Variants in HDAC9 observed in about 807,000 individuals in gnomAD.
The protein encoded by HDAC9 is MEF-2 interacting transcription repressor (MITR) protein.
A neutral mutation model predicts 139.4 loss-of-function variants in HDAC9; 41 were observed. The ratio of observed to expected loss-of-function variants is 0.29; its 90% CI spans 0.23 to 0.38. The LOEUF (loss-of-function observed/expected upper bound fraction) is 0.38, where lower values mean the gene tolerates loss of function less well. HDAC9 is among the 10% of genes least tolerant of loss of function. The pLI, the probability that HDAC9 is intolerant of heterozygous loss-of-function variation, is 1.00. For missense variants in HDAC9, 1,147 were observed against 1,297.0 expected, an observed-to-expected ratio of 0.88 and a Z score of 1.78; for synonymous variants, 517 against 476.2, an observed-to-expected ratio of 1.09 and a Z score of -1.12.
chr7:18,249,684 G>A (rs1345769707), intron 2 of HDAC9, among the ~76,000 whole-genome samples: 1 of 151,964 alleles, frequency 6.6e-6, no homozygotes, highest in African/African-American at 2.4e-5. Flanking sequence ...TCTTATCAAT[G>A]AAAGGTATTT....
rs34326798 is a variant in HDAC9 at position 18,554,327 on chromosome 7, C to CTTTT, written c.23-30930_23-30927dup. Among the ~76,000 whole-genome samples the CTTTT allele has an allele frequency of 2.9e-4, 17 of 58,328 alleles. 1 individual carries two copies. Among genetic ancestry groups the CTTTT allele is most frequent in the African/African-American group, 1.2e-3 (16 of 13,678 alleles). The allele number at this position is 58,328 out of a possible 152,430, so 38.3% of individuals were successfully genotyped here. A position where few individuals can be genotyped will look rare whatever the true frequency, so the allele number is the denominator to read the frequency against. The stretch of plus-strand genomic sequence containing the variant: ...GTACACCAACTGGTATTACAGATCA[C>CTTTT]TTTTTTTTTTTTTTTTTTTTTTTTT... On this transcript the variant is annotated intron_variant, in intron 2 of 25. Transcript: ENST00000686413.
At chr7:18,618,294 A>C (rs971023173) in intron 6 of HDAC9, among the ~76,000 whole-genome samples, 1 of 152,150 alleles carries the variant, frequency 6.6e-6, no homozygotes, top group Non-Finnish European at 1.5e-5. Context: ...AGCGACATTA[A>C]ATATTTTACT....
intron 1 of HDAC9, among the ~76,000 whole-genome samples, chr7:18,399,788 C>G (rs909398202): frequency 1.3e-5 from 2 of 152,184 alleles, no homozygotes; most frequent in Non-Finnish European, 2.9e-5. Flanking sequence ...TATTCACAGG[C>G]CACATTCCAG....
chr7:18,925,556 C>T (rs1245439021), intron 22 of HDAC9, among the ~76,000 whole-genome samples: 4 of 151,922 alleles, frequency 2.6e-5, no homozygotes, highest in African/African-American at 7.3e-5. Flanking sequence ...TTTTTGAGTC[C>T]TCTTGAATAC....
intron 1 of HDAC9, among the ~76,000 whole-genome samples, chr7:18,097,879 A>G (rs1190009625): frequency 6.6e-6 from 1 of 152,176 alleles, no homozygotes; most frequent in Non-Finnish European, 1.5e-5. Context: ...TATCATTGTT[A>G]ATACCACCAT....
chr7:18,893,434 T>G (rs1309363234), intron 22 of HDAC9, among the ~76,000 whole-genome samples: 1 of 152,186 alleles, frequency 6.6e-6, no homozygotes, highest in Admixed American at 6.5e-5. Context: ...ATCAGGCATC[T>G]AGTGCTGGAG....
At chr7:18,532,525 C>T (rs1434511471) in intron 2 of HDAC9, among the ~76,000 whole-genome samples, 2 of 152,140 alleles carry the variant, frequency 1.3e-5, no homozygotes, top group South Asian at 2.1e-4. Flanking sequence ...CTTAGAACAT[C>T]ATAAACTTCT....
At chr7:18,848,745 A>G (rs556100821) in intron 21 of HDAC9, among the ~76,000 whole-genome samples, 5 of 152,148 alleles carry the variant, frequency 3.3e-5, no homozygotes, top group African/African-American at 9.6e-5. Flanking sequence ...CAAGCAACCC[A>G]CTAATGGACT....
chr7:18,848,767 A>G (rs1041253124), intron 21 of HDAC9, among the ~76,000 whole-genome samples: 1 of 152,150 alleles, frequency 6.6e-6, no homozygotes, highest in African/African-American at 2.4e-5. Flanking sequence ...AAATTACCAA[A>G]AAAAGTATCT....
intron 14 of HDAC9, among the ~76,000 whole-genome samples, chr7:18,756,003 G>C (rs1285777539): frequency 6.6e-6 from 1 of 152,102 alleles, no homozygotes; most frequent in East Asian, 1.9e-4. Context: ...AGTAAGTATG[G>C]ACAGCTCCCT....
At chr7:18,784,032 C>A (rs1221435875) in intron 16 of HDAC9, among the ~76,000 whole-genome samples, 1 of 151,902 alleles carries the variant, frequency 6.6e-6, no homozygotes, top group African/African-American at 2.4e-5. Context: ...TGTCTATGTC[C>A]CCATTGTGGC....
At chr7:18,908,476 G>A (rs190948708) in intron 22 of HDAC9, among the ~76,000 whole-genome samples, 4 of 152,136 alleles carry the variant, frequency 2.6e-5, no homozygotes, top group East Asian at 1.9e-4. Context: ...GTTGTAAAAC[G>A]CTAGAAGGTA....
intron 1 of HDAC9, among the ~76,000 whole-genome samples, chr7:18,489,125 C>A (rs1270499925): frequency 6.6e-6 from 1 of 152,012 alleles, no homozygotes; most frequent in South Asian, 2.1e-4. Flanking sequence ...AAGAAGGAAT[C>A]ATTTATTCAT....
chr7:18,428,531 A>G (rs1199602587), intron 1 of HDAC9, among the ~76,000 whole-genome samples: 1 of 152,202 alleles, frequency 6.6e-6, no homozygotes, highest in Non-Finnish European at 1.5e-5. Context: ...CTATGTCACT[A>G]ATCATCAGGG....
intron 9 of HDAC9, among the ~76,000 whole-genome samples, chr7:18,646,018 G>T (rs1377162978): frequency 2.6e-5 from 4 of 151,916 alleles, no homozygotes; most frequent in Non-Finnish European, 5.9e-5. Flanking sequence ...ACAGAATTCA[G>T]CTATGCTCTT....
chr7:18,940,754 A>G (rs1305128454), intron 23 of HDAC9, among the ~76,000 whole-genome samples: 1 of 152,206 alleles, frequency 6.6e-6, no homozygotes, highest in South Asian at 2.1e-4. Context: ...GCCTACTGTT[A>G]TGCAAAGCCA....
At chr7:18,985,107 T>A (rs1785230243) in intron 25 of HDAC9, among the ~76,000 whole-genome samples, 1 of 152,156 alleles carries the variant, frequency 6.6e-6, no homozygotes, top group South Asian at 2.1e-4. Context: ...AGTTTTAGGG[T>A]ACATGTGCAC....
chr7:18,583,164 T>C (rs1828351056), intron 2 of HDAC9, among the ~76,000 whole-genome samples: 2 of 152,200 alleles, frequency 1.3e-5, no homozygotes, highest in African/African-American at 2.4e-5. Context: ...CTATTGATGG[T>C]TTATTTTAAT....
At chr7:18,448,422 T>G (rs1333197078) in intron 1 of HDAC9, among the ~76,000 whole-genome samples, 3 of 152,194 alleles carry the variant, frequency 2.0e-5, no homozygotes, top group Non-Finnish European at 4.4e-5. Context: ...AATATCACCT[T>G]TGATCCCATA....
Sources: allele counts gnomAD v4.1 joint callset (sites outside exome capture counted in the v4.1 genomes callset), GRCh38; gene constraint gnomAD v4.1.1; transcripts MANE v1.5; gene names NCBI Gene and HGNC (gene_info 2026-07-23, HGNC 2026-07-21).